The following BIN3 variants were observed in gnomAD, a reference collection of about 807,000 sequenced individuals.
BIN3 encodes the protein bridging integrator 3.
Under a neutral mutation model 38.2 loss-of-function variants are expected in BIN3, and 41 were observed. The observed-to-expected ratio is 1.07, with a 90% CI of 0.84 to 1.39. The LOEUF is 1.39. Ranked by LOEUF, BIN3 falls within the 40% of genes most tolerant of loss-of-function variation. The pLI is 0.00. For synonymous variants in BIN3, 145 were observed against 122.6 expected (o/e 1.18, Z -1.21); for missense variants, 361 against 324.3 (o/e 1.11, Z -0.87).
intron 1 of BIN3, among the ~76,000 whole-genome samples, chr8:22,659,885 T>C (rs1350031244): frequency 1.3e-5 from 2 of 152,192 alleles, no homozygotes; most frequent in East Asian, 3.8e-4. Flanking sequence ...CAGTCTGTTT[T>C]TTTGCGAAGG....
At chr8:22,662,771 A>G (rs1184075405) in intron 1 of BIN3, among the ~76,000 whole-genome samples, 1 of 152,226 alleles carries the variant, frequency 6.6e-6, no homozygotes, top group Non-Finnish European at 1.5e-5. Context: ...TCATGAAATT[A>G]AAAAATCATA....
intron 6 of BIN3, 37 bp downstream of exon 6, chr8:22,629,927 A>G (rs367855217): frequency 1.4e-5 from 22 of 1,572,800 alleles, no homozygotes; most frequent in Middle Eastern, 1.7e-4. Context: ...TGCCTCTCCC[A>G]TAAGTGCCCC....
chr8:22,624,087 G>A (rs1801929656), intron 7 of BIN3, 38 bp from the exon 8 acceptor site: 1 of 1,605,336 alleles, frequency 6.2e-7, no homozygotes, highest in Non-Finnish European at 8.5e-7. Context: ...CTCTCTCACT[G>A]CTGGGTGCCG....
intron 1 of BIN3, among the ~76,000 whole-genome samples, chr8:22,662,253 C>A (rs1007938198): frequency 6.6e-6 from 1 of 152,222 alleles, no homozygotes; most frequent in Non-Finnish European, 1.5e-5. Flanking sequence ...ACTGTTCCAA[C>A]TCCAAAATCT....
intron 1 of BIN3, among the ~76,000 whole-genome samples, chr8:22,661,352 CTTTTTT>C (rs751194383): frequency 1.7e-4 from 14 of 84,452 alleles, no homozygotes; most frequent in East Asian, 1.2e-3. Context: ...ATGTATCATT[CTTTTTT>C]TTTTTTTTTT....
Position 22,621,312 on chromosome 8 carries a change from A to C in BIN3, c.*110T>G. 1 of 1,409,608 alleles carries C rather than the reference A, an allele frequency of 7.1e-7. No homozygotes were observed. Among genetic ancestry groups the C allele is most frequent in the Middle Eastern group, 2.1e-4 (1 of 4,748 alleles). 87.3% of individuals were successfully genotyped at this position (1,409,608 alleles called of 1,614,324 possible). A position where few individuals can be genotyped will look rare whatever the true frequency, so the allele number is the denominator to read the frequency against. On this transcript the variant is annotated 3_prime_UTR_variant, in exon 9 of 9. Transcript: ENST00000276416. ...ATTCATTGCAAAGGGCCGGCAAGTGAACCAGGGCCACCTCTGTCCCCAGCC... is the reference window on the plus strand; with the variant it reads ...ATTCATTGCAAAGGGCCGGCAAGTGCACCAGGGCCACCTCTGTCCCCAGCC...
chr8:22,620,908 T>C lies in BIN3; in HGVS notation c.*514A>G, dbSNP rs117753515. On this transcript the variant is annotated 3_prime_UTR_variant, in exon 9 of 9. Transcript: ENST00000276416. Reference sequence around the variant, plus strand: ...GGTCCCAAAGCCACAAGGGTGCCCTTTGTCTTGCTGGGAAGCTGGCTGAGG... The same window carrying C: ...GGTCCCAAAGCCACAAGGGTGCCCTCTGTCTTGCTGGGAAGCTGGCTGAGG... 7.8e-5 allele frequency: 12 copies of C among 152,914 alleles called. No individual in the cohort carries two copies. Among genetic ancestry groups the C allele is most frequent in the East Asian group, 1.9e-4 (1 of 5,184 alleles). 9.5% of individuals were successfully genotyped at this position (152,914 alleles called of 1,614,324 possible).
At chr8:22,630,718 G>A (rs1802166922) in intron 4 of BIN3, 140 bp from the exon 5 acceptor site, 1 of 897,228 alleles carries the variant, frequency 1.1e-6, no homozygotes, top group African/African-American at 1.7e-5. Flanking sequence ...GAACGGCGAA[G>A]TACCACACAA....
chr8:22,652,549 C>A (rs537885334), intron 1 of BIN3, among the ~76,000 whole-genome samples: 7 of 152,322 alleles, frequency 4.6e-5, no homozygotes, highest in African/African-American at 1.4e-4. Context: ...TGTGCCTTGG[C>A]ACTCTGAGGG....
chr8:22,621,609 G>A lies in BIN3; in HGVS notation c.616-41C>T. On this transcript the variant is annotated intron_variant, in intron 8 of 8. Coordinates refer to ENST00000276416, the MANE Select transcript of BIN3 (RefSeq NM_018688.6). ...GGGGTTGGCACGTGCTGGCTCCAGGGAACCGTGTGCTTCAGGGGGCCAGAG... is the reference window on the plus strand; with the variant it reads ...GGGGTTGGCACGTGCTGGCTCCAGGAAACCGTGTGCTTCAGGGGGCCAGAG... 2.5e-6 allele frequency: 4 copies of A among 1,598,770 alleles called. No individual in the cohort carries two copies. The South Asian group carries it at 3.3e-5, about 13-fold the overall frequency.
intron 2 of BIN3, among the ~76,000 whole-genome samples, chr8:22,639,259 T>C (rs1317425794): frequency 6.7e-6 from 1 of 150,064 alleles, no homozygotes; most frequent in Non-Finnish European, 1.5e-5. Context: ...TGAGACAGGG[T>C]TTTGCTCTGT....
chr8:22,627,367 C>A (rs2117507537), intron 6 of BIN3, among the ~76,000 whole-genome samples: 1 of 152,266 alleles, frequency 6.6e-6, no homozygotes, highest in Non-Finnish European at 1.5e-5. Context: ...CCTTTGAGGC[C>A]CCATCTCCCC....
chr8:22,644,805 T>C lies in BIN3; in HGVS notation c.9-2A>G, dbSNP rs1477680836. ...GGCTGCCCAATCTTAAAAGGAATCC[T>C]ATAAGAGAAAGAGACAAAGAGAGAT... is the stretch of plus-strand genomic sequence containing the variant. On this transcript the variant is annotated splice_acceptor_variant, in intron 1 of 8. Coordinates refer to ENST00000276416, the MANE Select transcript of BIN3 (RefSeq NM_018688.6). LOFTEE classifies it high-confidence loss of function. 6.2e-7 allele frequency: 1 copy of C among 1,609,258 alleles called. No homozygotes were observed.
intron 1 of BIN3, among the ~76,000 whole-genome samples, chr8:22,661,086 C>A (rs992884182): frequency 1.3e-5 from 2 of 152,016 alleles, no homozygotes; most frequent in South Asian, 4.2e-4. Context: ...AGTCTCACTA[C>A]GCTCCCCAGG....
At chr8:22,628,330 T>G (rs915235781) in intron 6 of BIN3, among the ~76,000 whole-genome samples, 11 of 152,186 alleles carry the variant, frequency 7.2e-5, no homozygotes, top group African/African-American at 2.7e-4. Flanking sequence ...TGGAGTTTCC[T>G]GTTTCCGGTG....
intron 8 of BIN3, among the ~76,000 whole-genome samples, chr8:22,622,962 G>A (rs1318295440): frequency 2.0e-5 from 3 of 152,186 alleles, no homozygotes; most frequent in Non-Finnish European, 4.4e-5. Context: ...GGGGCAGGTG[G>A]CCACCCTGAC....
chr8:22,662,638 G>C (rs891090995), intron 1 of BIN3, among the ~76,000 whole-genome samples: 1 of 152,186 alleles, frequency 6.6e-6, no homozygotes, highest in Admixed American at 6.5e-5. Flanking sequence ...TATCGTCTGA[G>C]TATTTGTAAT....
At chr8:22,625,214 G>A (rs753956518) in intron 6 of BIN3, 3 of 671,126 alleles carry the variant, frequency 4.5e-6, no homozygotes, top group South Asian at 3.1e-5. Context: ...TGGATCATGT[G>A]TCCTCTAGTG....
intron 2 of BIN3, among the ~76,000 whole-genome samples, chr8:22,642,873 C>T (rs1802607029): frequency 1.3e-5 from 2 of 152,180 alleles, no homozygotes; most frequent in South Asian, 4.1e-4. Flanking sequence ...CAGAGGACCA[C>T]AATTCCATCT....
Sources: gnomAD v4.1 joint callset for allele counts (sites outside exome capture counted in the v4.1 genomes callset) on GRCh38, gnomAD v4.1.1 for gene constraint, MANE v1.5 for transcripts, NCBI Gene and HGNC (gene_info 2026-07-23, HGNC 2026-07-21) for gene names.